NCOA2: variants seen among roughly 807,000 people sequenced by gnomAD.
NCOA2 encodes the protein class E basic helix-loop-helix protein 75.
Under a neutral mutation model 145.1 loss-of-function variants are expected in NCOA2, and 21 were observed. The ratio of observed to expected loss-of-function variants is 0.14; its 90% CI spans 0.10 to 0.21. The LOEUF is 0.21. Among genes scored for constraint, NCOA2 ranks in the 10% least tolerant of loss-of-function variants. The pLI, the probability that NCOA2 is intolerant of heterozygous loss-of-function variation, is 1.00. For missense variants in NCOA2, 1,472 were observed against 1,837.6 expected, an observed-to-expected ratio of 0.80 and a Z score of 3.64; for synonymous variants, 619 against 637.5, an observed-to-expected ratio of 0.97 and a Z score of 0.44.
At chr8:70,195,060 T>G (rs916694297) in intron 4 of NCOA2, among the ~76,000 whole-genome samples, 37 of 152,216 alleles carry the variant, frequency 2.4e-4, no homozygotes, top group African/African-American at 7.7e-4. Flanking sequence ...AGATAATAAC[T>G]CAACTTACCT....
intron 1 of NCOA2, among the ~76,000 whole-genome samples, chr8:70,333,933 C>T (rs998074786): frequency 1.3e-5 from 2 of 152,122 alleles, no homozygotes; most frequent in African/African-American, 4.8e-5. Context: ...ATTTCTTCTA[C>T]TTCAGGTTAA....
Position 70,113,587 on chromosome 8 carries a change from G to C in NCOA2, c.*45C>G. On this transcript the variant is annotated 3_prime_UTR_variant, in exon 23 of 23. Coordinates refer to ENST00000452400, the MANE Select transcript of NCOA2 (RefSeq NM_006540.4). ...GCTCTCCAGACTGGAAGTGTTTTGA[G>C]CAAGTGAGCCCGGTCAGCTGAAGAA... 1 of 1,549,128 alleles carries C rather than the reference G, an allele frequency of 6.5e-7. No individual in the cohort carries two copies.
chr8:70,387,820 T>C (rs1205252216), intron 1 of NCOA2, among the ~76,000 whole-genome samples: 1 of 152,190 alleles, frequency 6.6e-6, no homozygotes, highest in East Asian at 1.9e-4. Context: ...ACTGAACTTC[T>C]GCCGCCATGC....
At chr8:70,361,242 G>A (rs938154094) in intron 1 of NCOA2, among the ~76,000 whole-genome samples, 1 of 152,050 alleles carries the variant, frequency 6.6e-6, no homozygotes, top group African/African-American at 2.4e-5. Context: ...AGGGCCCAGC[G>A]CAGTGACTCA....
intron 1 of NCOA2, among the ~76,000 whole-genome samples, chr8:70,371,264 G>A (rs1485939259): frequency 6.6e-6 from 1 of 152,016 alleles, no homozygotes; most frequent in Non-Finnish European, 1.5e-5. Flanking sequence ...ACTCCAGCCT[G>A]GGTGACAGAG....
chr8:70,403,346 C>CCGCGGGCTGCAGCCTCCGCCCGCCT (rs1293103407), intron 1 of NCOA2, among the ~76,000 whole-genome samples: 1 of 151,348 alleles, frequency 6.6e-6, no homozygotes, highest in Non-Finnish European at 1.5e-5. Context: ...CTCGCCCGCG[C>CCGCGGGCTGCAGCCTCCGCCCGCCT]CGCGGGCTGC....
intron 1 of NCOA2, among the ~76,000 whole-genome samples, chr8:70,314,845 C>T (rs151029985): frequency 1.3e-4 from 20 of 152,226 alleles, no homozygotes; most frequent in African/African-American, 3.6e-4. Flanking sequence ...CGCAAGTGTG[C>T]TATGTAATCA....
intron 14 of NCOA2, among the ~76,000 whole-genome samples, chr8:70,139,469 T>C (rs1810122929): frequency 6.6e-6 from 1 of 152,162 alleles, no homozygotes. Flanking sequence ...TGTCAAATTA[T>C]ACAAATTTAT....
intron 1 of NCOA2, among the ~76,000 whole-genome samples, chr8:70,316,294 C>A (rs572257527): frequency 1.3e-5 from 2 of 152,308 alleles, no homozygotes; most frequent in African/African-American, 4.8e-5. Flanking sequence ...AGGGCTCAAA[C>A]TTGTTCAATG....
At chr8:70,145,370 G>A (rs1810931276) in intron 12 of NCOA2, among the ~76,000 whole-genome samples, 1 of 150,502 alleles carries the variant, frequency 6.6e-6, no homozygotes. Context: ...CTGTTGCGAG[G>A]CTGGAGTGTA....
intron 2 of NCOA2, among the ~76,000 whole-genome samples, chr8:70,227,259 T>C (rs1471499723): frequency 6.6e-6 from 1 of 152,176 alleles, no homozygotes; most frequent in Non-Finnish European, 1.5e-5. Context: ...CTGTGGGTTC[T>C]TTACCTCAAT....
chr8:70,256,309 A>G (rs543924261), intron 2 of NCOA2, among the ~76,000 whole-genome samples: 19 of 152,158 alleles, frequency 1.2e-4, no homozygotes, highest in Admixed American at 5.9e-4. Context: ...TGACAAAAAC[A>G]TTTTTCAGAG....
intron 10 of NCOA2, 22 bp downstream of exon 10, chr8:70,159,483 G>T: frequency 6.5e-7 from 1 of 1,534,938 alleles, no homozygotes; most frequent in South Asian, 1.2e-5. Flanking sequence ...AATGGAAAAT[G>T]ACTTCTTAGA....
At chr8:70,364,345 G>A (rs767605174) in intron 1 of NCOA2, among the ~76,000 whole-genome samples, 23 of 152,206 alleles carry the variant, frequency 1.5e-4, no homozygotes, top group Non-Finnish European at 2.9e-4. Flanking sequence ...AAAGGTGTAT[G>A]CAAAAAGCAT....
rs951962965 is a variant in NCOA2 at position 70,213,094 on chromosome 8, C to CAAA, written c.259+806_259+808dup. Reference sequence around the variant, plus strand: ...AGTGAGACTGTCTCAAAAAAAACACCAAAAAAAAAAAAAAAAAACCACACC... The same window carrying CAAA: ...AGTGAGACTGTCTCAAAAAAAACACCAAAAAAAAAAAAAAAAAAAAACCACACC... On this transcript the variant is annotated intron_variant, in intron 4 of 22. Coordinates refer to ENST00000452400, the MANE Select transcript of NCOA2 (RefSeq NM_006540.4). 4.5e-3 allele frequency among the ~76,000 whole-genome samples: 350 copies of CAAA among 77,672 alleles called. 6 individuals are homozygous for CAAA. The highest frequency in any genetic ancestry group is 0.013 in the African/African-American group (313 of 23,728). 51.0% of individuals were successfully genotyped at this position (77,672 alleles called of 152,430 possible). A position where few individuals can be genotyped will look rare whatever the true frequency, so the allele number is the denominator to read the frequency against.
At chr8:70,193,672 T>G (rs1244624755) in intron 4 of NCOA2, among the ~76,000 whole-genome samples, 1 of 152,230 alleles carries the variant, frequency 6.6e-6, no homozygotes, top group African/African-American at 2.4e-5. Flanking sequence ...CTTGCTTCTT[T>G]TCCTCTTCTG....
At chr8:70,290,777 A>C (rs1826617987) in intron 2 of NCOA2, among the ~76,000 whole-genome samples, 1 of 152,182 alleles carries the variant, frequency 6.6e-6, no homozygotes, top group Non-Finnish European at 1.5e-5. Context: ...AGATGTTATA[A>C]ATGGTTCAAA....
chr8:70,246,349 G>A (rs1265018468), intron 2 of NCOA2, among the ~76,000 whole-genome samples: 1 of 152,132 alleles, frequency 6.6e-6, no homozygotes, highest in African/African-American at 2.4e-5. Flanking sequence ...CTGGGTAGTT[G>A]AAAGTGGGGA....
chr8:70,451,229 AAAAAAAAAATAT>A, the NCOA2 span, among the ~76,000 whole-genome samples: 2 of 114,182 alleles, frequency 1.8e-5, no homozygotes, highest in African/African-American at 7.6e-5. Flanking sequence ...AAAAAAAAAA[AAAAAAAAAATAT>A]ATATATATAT....
Sources: allele counts gnomAD v4.1 joint callset (sites outside exome capture counted in the v4.1 genomes callset), GRCh38; gene constraint gnomAD v4.1.1; transcripts MANE v1.5; gene names NCBI Gene and HGNC (gene_info 2026-07-23, HGNC 2026-07-21).